Variants in RNGTT observed in about 807,000 individuals in gnomAD.
The protein encoded by RNGTT is RNA guanylyltransferase and 5'-phosphatase.
Under a neutral mutation model 79.3 loss-of-function variants are expected in RNGTT, and 33 were observed. The ratio of observed to expected loss-of-function variants is 0.42; its 90% CI spans 0.32 to 0.56. The LOEUF is 0.56. RNGTT is among the 20% of genes least tolerant of loss of function. The pLI is 0.17. For synonymous variants in RNGTT, 222 were observed against 235.9 expected (o/e 0.94, Z 0.54); for missense variants, 497 against 739.1 (o/e 0.67, Z 3.80).
intron 13 of RNGTT, among the ~76,000 whole-genome samples, chr6:88,748,638 T>C (rs1035839406): frequency 6.6e-6 from 1 of 151,794 alleles, no homozygotes; most frequent in Non-Finnish European, 1.5e-5. Flanking sequence ...AAATAAAATG[T>C]AAGTTCCATG....
chr6:88,837,752 A>C (rs527491973), intron 11 of RNGTT, among the ~76,000 whole-genome samples: 2 of 152,292 alleles, frequency 1.3e-5, no homozygotes, highest in South Asian at 2.1e-4. Context: ...AAGCCATTTG[A>C]CCAAACTGAA....
At chr6:88,824,739 G>A (rs375948916) in intron 11 of RNGTT, among the ~76,000 whole-genome samples, 61 of 148,538 alleles carry the variant, frequency 4.1e-4, no homozygotes, top group African/African-American at 9.5e-4. Flanking sequence ...TTGAAAACAC[G>A]TTTGTTTTCT....
intron 11 of RNGTT, among the ~76,000 whole-genome samples, chr6:88,836,134 A>G (rs940685792): frequency 2.0e-5 from 3 of 150,002 alleles, no homozygotes; most frequent in Non-Finnish European, 4.4e-5. Context: ...CTGGGACAAT[A>G]AATCTTTAGG....
chr6:88,838,816 G>C (rs1265343926), intron 11 of RNGTT, among the ~76,000 whole-genome samples: 1 of 151,836 alleles, frequency 6.6e-6, no homozygotes, highest in Non-Finnish European at 1.5e-5. Context: ...ACTTAGAAAA[G>C]AACAACAAAG....
intron 8 of RNGTT, among the ~76,000 whole-genome samples, chr6:88,859,382 G>A (rs750204905): frequency 1.1e-4 from 16 of 152,148 alleles, no homozygotes; most frequent in Non-Finnish European, 2.1e-4. Flanking sequence ...AATAGTTGCA[G>A]GAAGCACTAT....
chr6:88,849,418 T>C (rs2127904489), intron 10 of RNGTT, among the ~76,000 whole-genome samples: 1 of 152,112 alleles, frequency 6.6e-6, no homozygotes, highest in African/African-American at 2.4e-5. Context: ...GCTGTTTTGG[T>C]GACAGAAATA....
At chr6:88,948,539 C>T (rs1288386705) in intron 1 of RNGTT, among the ~76,000 whole-genome samples, 46 of 146,230 alleles carry the variant, frequency 3.1e-4, no homozygotes, top group Non-Finnish European at 5.4e-4. Context: ...AGGTGAGGGG[C>T]GCCTCTGCCC....
chr6:88,854,747 T>G (rs1781789879), intron 8 of RNGTT, among the ~76,000 whole-genome samples: 2 of 152,340 alleles, frequency 1.3e-5, no homozygotes, highest in Admixed American at 1.3e-4. Context: ...ATGGGGGAAT[T>G]CATACACTTA....
intron 10 of RNGTT, 44 bp from the exon 11 acceptor site, chr6:88,844,565 AT>A: frequency 6.5e-7 from 1 of 1,536,590 alleles, no homozygotes; most frequent in Non-Finnish European, 8.9e-7. Context: ...ACTAACAACT[AT>A]TTTATCAGCA....
chr6:88,733,236 C>T (rs745420232), intron 13 of RNGTT, among the ~76,000 whole-genome samples: 6 of 152,010 alleles, frequency 3.9e-5, no homozygotes, highest in Non-Finnish European at 5.9e-5. Flanking sequence ...TGGTGCATCC[C>T]TGTAGTCCCA....
chr6:88,918,805 T>C (rs970991045), intron 4 of RNGTT, among the ~76,000 whole-genome samples: 2 of 152,264 alleles, frequency 1.3e-5, no homozygotes, highest in Non-Finnish European at 1.5e-5. Flanking sequence ...TACTATCTTC[T>C]ATTTCAGACC....
At chr6:88,784,486 G>C (rs772304367) in intron 12 of RNGTT, among the ~76,000 whole-genome samples, 1 of 152,098 alleles carries the variant, frequency 6.6e-6, no homozygotes, top group Non-Finnish European at 1.5e-5. Flanking sequence ...AAGGATAAAT[G>C]GGAGTAATAT....
intron 11 of RNGTT, among the ~76,000 whole-genome samples, chr6:88,843,548 C>CTTCTTT (rs1437292319): frequency 2.3e-4 from 15 of 66,656 alleles, no homozygotes; most frequent in African/African-American, 9.5e-4. Flanking sequence ...TAGTATGATT[C>CTTCTTT]TTTTTTTTTT....
intron 6 of RNGTT, among the ~76,000 whole-genome samples, chr6:88,895,920 A>C (rs2127937458): frequency 6.6e-6 from 1 of 152,174 alleles, no homozygotes; most frequent in South Asian, 2.1e-4. Flanking sequence ...AAAGAGTTCC[A>C]ATGTAAACCC....
intron 10 of RNGTT, among the ~76,000 whole-genome samples, chr6:88,844,745 TA>T (rs1291143914): frequency 1.3e-5 from 2 of 151,510 alleles, no homozygotes; most frequent in African/African-American, 2.4e-5. Context: ...TACAACTGTA[TA>T]AAACAGTATG....
chr6:88,762,009 G>A (rs1778277164), intron 13 of RNGTT, among the ~76,000 whole-genome samples: 1 of 150,432 alleles, frequency 6.6e-6, no homozygotes, highest in Non-Finnish European at 1.5e-5. Flanking sequence ...CCAAAAGAAA[G>A]AACACCCAGA....
chr6:88,613,639 T>C (rs1310275364), intron 15 of RNGTT, among the ~76,000 whole-genome samples: 1 of 152,232 alleles, frequency 6.6e-6, no homozygotes, highest in Non-Finnish European at 1.5e-5. Flanking sequence ...TAACCTGTTA[T>C]CTTGGTTTTT....
intron 9 of RNGTT, among the ~76,000 whole-genome samples, chr6:88,851,805 T>C (rs1781683203): frequency 6.6e-6 from 1 of 151,928 alleles, no homozygotes; most frequent in Non-Finnish European, 1.5e-5. Context: ...AAAAAACAGA[T>C]ATGGCAACTA....
At chr6:88,719,270 T>A (rs572778813) in intron 13 of RNGTT, among the ~76,000 whole-genome samples, 8 of 152,336 alleles carry the variant, frequency 5.3e-5, no homozygotes, top group African/African-American at 1.7e-4. Context: ...TTAGCTTCCG[T>A]GAAACTTTTC....
Sources: gnomAD v4.1 joint callset for allele counts (sites outside exome capture counted in the v4.1 genomes callset) on GRCh38, gnomAD v4.1.1 for gene constraint, MANE v1.5 for transcripts, NCBI Gene and HGNC (gene_info 2026-07-23, HGNC 2026-07-21) for gene names.